Variants in CSMD1 observed in about 807,000 individuals in gnomAD.
The protein encoded by CSMD1 is CUB and sushi domain-containing protein 1.
In CSMD1, 213 loss-of-function variants were observed where a neutral mutation model predicts 417.5. The ratio of observed to expected loss-of-function variants is 0.51; its 90% confidence interval spans 0.46 to 0.57. The LOEUF (loss-of-function observed/expected upper bound fraction) is 0.57. Among genes scored for constraint, CSMD1 ranks in the 20% least tolerant of loss-of-function variants. The pLI, the probability that CSMD1 is intolerant of heterozygous loss-of-function variation, is 0.00. For synonymous variants in CSMD1, 2,862 were observed against 1,736.8 expected (o/e 1.65, Z -16.11); for missense variants, 6,923 against 4,529.7 (o/e 1.53, Z -15.17).
At chr8:4,967,956 T>C (rs1809990656) in intron 1 of CSMD1, among the ~76,000 whole-genome samples, 1 of 152,060 alleles carries the variant, frequency 6.6e-6, no homozygotes, top group Non-Finnish European at 1.5e-5. Flanking sequence ...TTTTTTTTTC[T>C]AAATAAAGAC....
chr8:4,333,031 C>G (rs1251611883), intron 3 of CSMD1, among the ~76,000 whole-genome samples: 23 of 151,766 alleles, frequency 1.5e-4, no homozygotes, highest in Admixed American at 1.4e-3. Flanking sequence ...TCTCATCCCA[C>G]ACACAGCAAC....
rs375962454 is a variant in CSMD1, at chr8:4,708,356, A to G, written c.86-70798T>C. On this transcript the variant is annotated intron_variant, in intron 1 of 69. Transcript: ENST00000635120. ...ATGTAAGCTCCGTGAACATTTAGAC[A>G]ACATCTGTCTTGTTCATTATTCTGT... Among the ~76,000 whole-genome samples, 243 of 152,320 alleles carry G rather than the reference A, an allele frequency of 1.6e-3. 2 individuals carry two copies. The highest frequency in any genetic ancestry group is 4.4e-3 in the African/African-American group (185 of 41,582).
At position 4,086,366 on chromosome 8, in the gene CSMD1, T is replaced by G. The variant is rs535582656; in HGVS notation, c.416-54267A>C. Among the ~76,000 whole-genome samples the G allele has an allele frequency of 9.2e-5, 14 of 152,296 alleles. No individual in the cohort carries two copies. The South Asian group carries it at 1.0e-3, about 11-fold the overall frequency. ...ATTCTTTAATACTGAAACTTGAAAT[T>G]TGAAAGCAAAACAAAATTCAGTACA... is the stretch of plus-strand genomic sequence containing the variant. On this transcript the variant is annotated intron_variant, in intron 3 of 69. Transcript: ENST00000635120.
chr8:4,867,198 G>T (rs1802467469), intron 1 of CSMD1, among the ~76,000 whole-genome samples: 2 of 151,936 alleles, frequency 1.3e-5, no homozygotes. Flanking sequence ...ATGGTGCATC[G>T]TTCCAATCAT....
intron 49 of CSMD1, among the ~76,000 whole-genome samples, chr8:3,084,368 A>G (rs986692552): frequency 2.6e-5 from 4 of 151,580 alleles, no homozygotes; most frequent in African/African-American, 9.7e-5. Flanking sequence ...TACTAAATAC[A>G]AAAAATTAGC....
At chr8:3,552,329 CT>C (rs146263164) in intron 10 of CSMD1, among the ~76,000 whole-genome samples, 58 of 151,050 alleles carry the variant, frequency 3.8e-4, no homozygotes, top group South Asian at 1.3e-3. Flanking sequence ...AGCTTATTCT[CT>C]TTTTTTTTGC....
At chr8:3,114,914 T>A (rs1279740922) in intron 42 of CSMD1, among the ~76,000 whole-genome samples, 5 of 152,196 alleles carry the variant, frequency 3.3e-5, no homozygotes, top group African/African-American at 1.2e-4. Flanking sequence ...TATCACAACA[T>A]ATTATTTACA....
chr8:3,303,881 G>C (rs948261161), intron 25 of CSMD1, among the ~76,000 whole-genome samples: 2 of 151,980 alleles, frequency 1.3e-5, no homozygotes. Context: ...TAGCATACAT[G>C]TTAAAATTAG....
At chr8:4,099,573 T>C (rs958343125) in intron 3 of CSMD1, among the ~76,000 whole-genome samples, 2 of 152,136 alleles carry the variant, frequency 1.3e-5, no homozygotes, top group East Asian at 3.9e-4. Context: ...GCATGGCATA[T>C]ATCAATCAAT....
At chr8:3,839,949 A>G (rs75794123) in intron 5 of CSMD1, among the ~76,000 whole-genome samples, 2,564 of 152,128 alleles carry the variant, frequency 0.017, 63 homozygotes, top group African/African-American at 0.057. Context: ...TGCTCTGGAT[A>G]TTTGGAGACT....
At chr8:4,041,550 A>G (rs1347624396) in intron 3 of CSMD1, among the ~76,000 whole-genome samples, 1 of 152,212 alleles carries the variant, frequency 6.6e-6, no homozygotes, top group Admixed American at 6.5e-5. Flanking sequence ...ATACAAAAAT[A>G]TTCAGCACCT....
At chr8:4,666,956 A>G (rs543479020) in intron 1 of CSMD1, among the ~76,000 whole-genome samples, 93 of 152,264 alleles carry the variant, frequency 6.1e-4, no homozygotes, top group Admixed American at 1.4e-3. Flanking sequence ...CATTTATAAA[A>G]TTTTTATGTA....
At position 4,371,330 on chromosome 8, in the gene CSMD1, G is replaced by T. The variant is rs192991350; in HGVS notation, c.415+48623C>A. ...GATACTCACAGACTACTGGCAACAG[G>T]CAAGTTAAAGTTTTAAATGCAGGGT... is the stretch of plus-strand genomic sequence containing the variant. On this transcript the variant is annotated intron_variant, in intron 3 of 69. Coordinates refer to ENST00000635120, the MANE Select transcript of CSMD1 (RefSeq NM_033225.6). 4.6e-4 allele frequency among the ~76,000 whole-genome samples: 70 copies of T among 152,084 alleles called. No homozygotes were observed. In the East Asian group the frequency reaches 9.3e-3, roughly 20 times the overall value.
intron 5 of CSMD1, among the ~76,000 whole-genome samples, chr8:3,838,882 A>C (rs1238704612): frequency 9.9e-6 from 1 of 101,128 alleles, no homozygotes; most frequent in Non-Finnish European, 1.8e-5. Context: ...TATAATATTA[A>C]TTATAATATA....
At chr8:3,563,084 G>A (rs1027547689) in intron 10 of CSMD1, among the ~76,000 whole-genome samples, 2 of 151,576 alleles carry the variant, frequency 1.3e-5, no homozygotes, top group African/African-American at 4.9e-5. Context: ...AATTATACAG[G>A]GTTGTAATTT....
chr8:4,071,910 C>G (rs1345034923), intron 3 of CSMD1, among the ~76,000 whole-genome samples: 4 of 152,164 alleles, frequency 2.6e-5, no homozygotes, highest in African/African-American at 4.8e-5. Context: ...TTAGGCATAG[C>G]TCAAGAGTCA....
rs148071552 is a variant in CSMD1, at chr8:4,455,015, AGT to A, written c.303-34952_303-34951del. On this transcript the variant is annotated intron_variant, in intron 2 of 69. Coordinates refer to ENST00000635120, the MANE Select transcript of CSMD1 (RefSeq NM_033225.6). Reference sequence around the variant, plus strand: ...AAGGGCTCCTGTGTGTTGCTATCCCAGTGTGTCAGTCCGCTGTCATCAACACA... The same window carrying A: ...AAGGGCTCCTGTGTGTTGCTATCCCAGTGTCAGTCCGCTGTCATCAACACA... Among the ~76,000 whole-genome samples, 1,218 of 152,268 alleles carry A rather than the reference AGT, an allele frequency of 8.0e-3. 15 individuals carry two copies. Among genetic ancestry groups the A allele is most frequent in the African/African-American group, 0.028 (1,155 of 41,538 alleles).
At chr8:3,787,597 C>G (rs58676762) in intron 5 of CSMD1, among the ~76,000 whole-genome samples, 1 of 152,042 alleles carries the variant, frequency 6.6e-6, no homozygotes, top group South Asian at 2.1e-4. Context: ...GATGTAGTTG[C>G]TACAACAGTT....
chr8:4,453,201 ACAG>A (rs1799254290), intron 2 of CSMD1, among the ~76,000 whole-genome samples: 4 of 116,882 alleles, frequency 3.4e-5, no homozygotes, highest in Non-Finnish European at 5.5e-5. Context: ...ACACACCCAC[ACAG>A]ACACACACAG....
Sources: allele counts gnomAD v4.1 joint callset (sites outside exome capture counted in the v4.1 genomes callset), GRCh38; gene constraint gnomAD v4.1.1; transcripts MANE v1.5; gene names NCBI Gene and HGNC (gene_info 2026-07-23, HGNC 2026-07-21).